The following SDHAF3 variants were observed in gnomAD, a reference collection of about 807,000 sequenced individuals.
The protein encoded by SDHAF3 is succinate dehydrogenase complex assembly factor 3, also known as succinate dehydrogenase assembly factor 3, mitochondrial.
Under a neutral mutation model 11.5 loss-of-function variants are expected in SDHAF3, and 18 were observed. That is an observed-to-expected ratio of 1.56 (90% confidence interval 1.08 to 2.32). The LOEUF (loss-of-function observed/expected upper bound fraction) is 2.32. Among genes scored for constraint, SDHAF3 ranks in the 30% most tolerant of loss-of-function variants. The pLI is 0.00. For synonymous variants in SDHAF3, 72 were observed against 59.3 expected (o/e 1.21, Z -0.99); for missense variants, 200 against 154.4 (o/e 1.30, Z -1.57).
chr7:97,175,212 G>T (rs1345774893), intron 1 of SDHAF3, among the ~76,000 whole-genome samples: 1 of 152,042 alleles, frequency 6.6e-6, no homozygotes, highest in African/African-American at 2.4e-5. Context: ...TTCTAAAATT[G>T]AAGTAATTTA....
At chr7:97,155,734 A>C (rs1295440271) in intron 1 of SDHAF3, among the ~76,000 whole-genome samples, 1 of 152,144 alleles carries the variant, frequency 6.6e-6, no homozygotes, top group Non-Finnish European at 1.5e-5. Flanking sequence ...GTAGTATCAC[A>C]TCTAGTTATT....
At chr7:97,166,251 C>T (rs576959539) in intron 1 of SDHAF3, among the ~76,000 whole-genome samples, 2 of 152,102 alleles carry the variant, frequency 1.3e-5, no homozygotes, top group Non-Finnish European at 2.9e-5. Flanking sequence ...ACATCATATG[C>T]CCTAGGTGGT....
chr7:97,130,067 G>T (rs1046559756), intron 1 of SDHAF3, among the ~76,000 whole-genome samples: 1 of 151,972 alleles, frequency 6.6e-6, no homozygotes, highest in Non-Finnish European at 1.5e-5. Flanking sequence ...GAACTGTGGA[G>T]CCCCAAAGGG....
intron 1 of SDHAF3, among the ~76,000 whole-genome samples, chr7:97,122,954 C>CT (rs1486426873): frequency 6.6e-6 from 1 of 151,310 alleles, no homozygotes; most frequent in Non-Finnish European, 1.5e-5. Flanking sequence ...TTGTTCCTAG[C>CT]TACTGCTGCA....
At chr7:97,156,192 T>C (rs556879969) in intron 1 of SDHAF3, among the ~76,000 whole-genome samples, 2 of 152,328 alleles carry the variant, frequency 1.3e-5, no homozygotes, top group South Asian at 4.1e-4. Context: ...TGTGAGAGTT[T>C]CTCAGCCTTT....
intron 1 of SDHAF3, among the ~76,000 whole-genome samples, chr7:97,160,243 C>T (rs1456028587): frequency 2.8e-5 from 4 of 142,168 alleles, no homozygotes; most frequent in South Asian, 2.3e-4. Flanking sequence ...AAGTGAGGAG[C>T]GCCCCTGCCC....
chr7:97,133,782 C>T (rs1791705252), intron 1 of SDHAF3, among the ~76,000 whole-genome samples: 1 of 152,184 alleles, frequency 6.6e-6, no homozygotes, highest in Non-Finnish European at 1.5e-5. Flanking sequence ...ATCAGTGTAA[C>T]TCAAAGCATT....
At chr7:97,121,551 A>T (rs1012059864) in intron 1 of SDHAF3, among the ~76,000 whole-genome samples, 2 of 152,212 alleles carry the variant, frequency 1.3e-5, no homozygotes, top group African/African-American at 4.8e-5. Context: ...TTGATCACTT[A>T]CTATTTCCAG....
At chr7:97,148,679 C>T (rs764459656) in intron 1 of SDHAF3, among the ~76,000 whole-genome samples, 85 of 152,310 alleles carry the variant, frequency 5.6e-4, no homozygotes, top group East Asian at 3.9e-3. Flanking sequence ...AAGCTAACAG[C>T]ATTCAACTTT....
chr7:97,175,577 A>G (rs865817517), intron 1 of SDHAF3, among the ~76,000 whole-genome samples: 11 of 152,324 alleles, frequency 7.2e-5, no homozygotes, highest in African/African-American at 1.2e-4. Context: ...GGTGTGAGCC[A>G]GTGTGCTCGA....
chr7:97,119,539 T>C (rs1353584800), intron 1 of SDHAF3, among the ~76,000 whole-genome samples: 2 of 152,176 alleles, frequency 1.3e-5, no homozygotes, highest in Non-Finnish European at 2.9e-5. Flanking sequence ...TGTTTCCCCC[T>C]GTGTTAGCAT....
intron 1 of SDHAF3, among the ~76,000 whole-genome samples, chr7:97,122,824 C>T (rs762215447): frequency 6.6e-6 from 1 of 151,848 alleles, no homozygotes; most frequent in Non-Finnish European, 1.5e-5. Context: ...GGTGGAAGTG[C>T]CCCTTTTGGG....
rs561085791 is a variant in SDHAF3 at position 97,156,928 on chromosome 7, C to T, written c.175-24084C>T. 2.8e-4 allele frequency among the ~76,000 whole-genome samples: 42 copies of T among 152,250 alleles called. No individual in the cohort carries two copies. In the South Asian group the frequency reaches 2.9e-3, roughly 11 times the overall value. On this transcript the variant is annotated intron_variant, in intron 1 of 1. Coordinates refer to ENST00000432641, the MANE Select transcript of SDHAF3 (RefSeq NM_020186.3). ...TGTTGGTTTGCTGCACCCATCAACT[C>T]GTCATTTACATTAGGTATTTCTCTT...
chr7:97,139,407 C>CA (rs149268321), intron 1 of SDHAF3, among the ~76,000 whole-genome samples: 1 of 151,618 alleles, frequency 6.6e-6, no homozygotes, highest in African/African-American at 2.4e-5. Context: ...TGTGAGTATG[C>CA]AAAAAAGGCT....
At chr7:97,167,993 G>A (rs1199288) in intron 1 of SDHAF3, among the ~76,000 whole-genome samples, 112,850 of 152,112 alleles carry the variant, frequency 0.74, 41,975 homozygotes, top group Middle Eastern at 0.79. Context: ...AGAGGCCCAC[G>A]TGCACTGGGG....
intron 1 of SDHAF3, among the ~76,000 whole-genome samples, chr7:97,138,219 G>T (rs1788962125): frequency 6.6e-6 from 1 of 150,762 alleles, no homozygotes; most frequent in Admixed American, 6.6e-5. Flanking sequence ...GAGTGCAGTG[G>T]CACAATCTCA....
intron 1 of SDHAF3, among the ~76,000 whole-genome samples, chr7:97,179,860 A>G (rs1257246540): frequency 6.6e-6 from 1 of 152,224 alleles, no homozygotes; most frequent in Non-Finnish European, 1.5e-5. Flanking sequence ...TATTTTCTCC[A>G]TAGGTTTGGA....
At chr7:97,164,843 A>C (rs1324424946) in intron 1 of SDHAF3, among the ~76,000 whole-genome samples, 1 of 152,182 alleles carries the variant, frequency 6.6e-6, no homozygotes, top group Non-Finnish European at 1.5e-5. Flanking sequence ...CATAATTTGC[A>C]TCATACTGAA....
Position 97,181,104 on chromosome 7 carries a change from AC to A in SDHAF3, c.268del (p.Asn91MetfsTer14). 1 of 1,614,056 alleles carries A rather than the reference AC, an allele frequency of 6.2e-7. No homozygotes were observed. The highest frequency in any genetic ancestry group is 8.5e-7 in the Non-Finnish European group (1 of 1,179,948). ...TTGGCACCTTCCTCCCAGAAGAAAA[AC>A]TTAATGACTTTCGTGATGAACAAAT... ...CFGTFLPEEK[L>X]NDFRDEQIGQ... On this transcript the variant is annotated frameshift_variant, in exon 2 of 2. Transcript: ENST00000432641. LOFTEE classifies it high-confidence loss of function.
Sources: allele counts gnomAD v4.1 joint callset (sites outside exome capture counted in the v4.1 genomes callset), GRCh38; gene constraint gnomAD v4.1.1; transcripts MANE v1.5; gene names NCBI Gene and HGNC (gene_info 2026-07-23, HGNC 2026-07-21).